LIFR: variants seen among roughly 807,000 people sequenced by gnomAD.
LIFR encodes the protein LIF receptor subunit alpha, also known as leukemia inhibitory factor receptor.
LIFR carries 84 observed loss-of-function variants against 122.2 expected under a neutral mutation model. That is an observed-to-expected ratio of 0.69 (90% CI 0.58 to 0.82). The LOEUF (loss-of-function observed/expected upper bound fraction) is 0.82, where lower values mean the gene tolerates loss of function less well. Ranked by LOEUF, LIFR falls within the 40% of genes least tolerant of loss-of-function variation. The pLI is 0.00. For missense variants in LIFR, 1,294 were observed against 1,311.6 expected (o/e 0.99, Z 0.21); for synonymous variants, 422 against 434.7 (o/e 0.97, Z 0.36).
intron 1 of LIFR, among the ~76,000 whole-genome samples, chr5:38,551,678 A>G (rs1434239253): frequency 6.6e-6 from 1 of 152,180 alleles, no homozygotes; most frequent in Non-Finnish European, 1.5e-5. Flanking sequence ...AATGATTCCA[A>G]TTCTTTCTCT....
At chr5:38,488,487 G>A (rs1405106974) in intron 16 of LIFR, among the ~76,000 whole-genome samples, 1 of 152,204 alleles carries the variant, frequency 6.6e-6, no homozygotes, top group Non-Finnish European at 1.5e-5. Context: ...GAAACATAAT[G>A]AAAGGAAAAG....
Position 38,476,254 on chromosome 5 carries a change from TAC to T in LIFR, c.*5339_*5340del, listed in dbSNP as rs1743716424. ...CTATGAGCAATTGCAAAAACACTAATACTAATGTTAAACCTAACAGTTAACTT... is the reference window on the plus strand; with the variant it reads ...CTATGAGCAATTGCAAAAACACTAATTAATGTTAAACCTAACAGTTAACTT... On this transcript the variant is annotated 3_prime_UTR_variant, in exon 20 of 20. Transcript: ENST00000453190. The T allele has an allele frequency of 4.8e-6, 1 of 208,120 alleles. No homozygotes were observed. Among genetic ancestry groups the T allele is most frequent in the Non-Finnish European group, 9.8e-6 (1 of 102,244 alleles). 12.9% of individuals were successfully genotyped at this position (208,120 alleles called of 1,614,324 possible). A position where few individuals can be genotyped will look rare whatever the true frequency, so the allele number is the denominator to read the frequency against.
chr5:38,514,623 T>C (rs371730320), intron 5 of LIFR, among the ~76,000 whole-genome samples: 1 of 152,240 alleles, frequency 6.6e-6, no homozygotes, highest in Non-Finnish European at 1.5e-5. Context: ...CTAGCTATTA[T>C]AGATAGCAGA....
intron 1 of LIFR, among the ~76,000 whole-genome samples, chr5:38,562,047 G>A (rs1283282071): frequency 6.6e-6 from 1 of 152,162 alleles, no homozygotes; most frequent in Non-Finnish European, 1.5e-5. Flanking sequence ...GGGATCGTGG[G>A]AGCACCGCAA....
At chr5:38,491,909 T>A (rs2112408074) in intron 14 of LIFR, among the ~76,000 whole-genome samples, 1 of 152,352 alleles carries the variant, frequency 6.6e-6, no homozygotes, top group Non-Finnish European at 1.5e-5. Flanking sequence ...AATCTGTACC[T>A]CTTTTTATGT....
At chr5:38,585,248 T>C (rs1049368031) in intron 1 of LIFR, among the ~76,000 whole-genome samples, 2 of 152,148 alleles carry the variant, frequency 1.3e-5, no homozygotes, top group Admixed American at 6.5e-5. Flanking sequence ...CAAGTACAAA[T>C]TACATCCATT....
rs1443332579 is a variant in LIFR, at chr5:38,480,443, GC to G, written c.*1151del. The G allele has an allele frequency of 9.1e-6, 2 of 219,552 alleles. No homozygotes were observed. Among genetic ancestry groups the G allele is most frequent in the African/African-American group, 4.5e-5 (2 of 44,492 alleles). 13.6% of individuals were successfully genotyped at this position (219,552 alleles called of 1,614,324 possible). ...AGTTTATGACAGTTACTAAGAAACA[GC>G]CCTTGGGTAACTGTTCCTGTAAGAA... is the stretch of plus-strand genomic sequence containing the variant. On this transcript the variant is annotated 3_prime_UTR_variant, in exon 20 of 20. Coordinates refer to ENST00000453190, the MANE Select transcript of LIFR (RefSeq NM_001127671.2).
chr5:38,558,794 T>C (rs1452702299), upstream of LIFR: 2 of 152,156 alleles, frequency 1.3e-5, no homozygotes, highest in Non-Finnish European at 2.9e-5. Flanking sequence ...GAGAATTCAG[T>C]TACTATCACG....
At chr5:38,553,096 C>T (rs1476887081) in intron 1 of LIFR, among the ~76,000 whole-genome samples, 1 of 152,182 alleles carries the variant, frequency 6.6e-6, no homozygotes, top group African/African-American at 2.4e-5. Context: ...CTCTCCTTTC[C>T]TTTCACCAAC....
Position 38,510,632 on chromosome 5 carries a change from C to G in LIFR, c.823G>C (p.Glu275Gln). 6.2e-7 allele frequency: 1 copy of G among 1,613,964 alleles called. No homozygotes were observed. The highest frequency in any genetic ancestry group is 8.5e-7 in the Non-Finnish European group (1 of 1,179,918). Residue 275 changes from glutamate (E) to glutamine (Q), a missense_variant, in exon 7 of 20, where the codon GAA becomes CAA. Glu to Gln is a conservative substitution (Grantham distance 29). Transcript: ENST00000453190. ...SDITFCCVSQ[E>Q]KVLSALIGHT... ...CCAATCAGTGCTGATAACACTTTTTCTTGACTCACACAACAAAATGTTATG... is the reference window on the plus strand; with the variant it reads ...CCAATCAGTGCTGATAACACTTTTTGTTGACTCACACAACAAAATGTTATG...
chr5:38,539,676 TG>T (rs60779829), intron 1 of LIFR, among the ~76,000 whole-genome samples: 1 of 151,482 alleles, frequency 6.6e-6, no homozygotes, highest in Non-Finnish European at 1.5e-5. Context: ...TTTGGTTTTT[TG>T]GGGGGGGTAA....
intron 1 of LIFR, among the ~76,000 whole-genome samples, chr5:38,571,196 G>A (rs1263420590): frequency 1.3e-5 from 2 of 152,120 alleles, no homozygotes; most frequent in Non-Finnish European, 2.9e-5. Flanking sequence ...CAGAGCCAAG[G>A]TGCTGCTATA....
chr5:38,547,015 T>C (rs1324444409), intron 1 of LIFR, among the ~76,000 whole-genome samples: 1 of 152,150 alleles, frequency 6.6e-6, no homozygotes, highest in Admixed American at 6.5e-5. Flanking sequence ...CATTACATAC[T>C]CAGTGCAGCT....
chr5:38,596,489 G>T (rs773186834), upstream of LIFR, among the ~76,000 whole-genome samples: 1 of 152,150 alleles, frequency 6.6e-6, no homozygotes, highest in Non-Finnish European at 1.5e-5. Flanking sequence ...CACTATCTGG[G>T]ATGGGGCTTG....
chr5:38,577,101 C>T (rs1749411842), intron 1 of LIFR, among the ~76,000 whole-genome samples: 1 of 152,134 alleles, frequency 6.6e-6, no homozygotes, highest in South Asian at 2.1e-4. Flanking sequence ...TCAAAGACAC[C>T]AGTTAAAAAG....
chr5:38,526,447 A>G (rs771139853), intron 4 of LIFR, among the ~76,000 whole-genome samples: 7,945 of 151,750 alleles, frequency 0.052, 243 homozygotes, highest in Middle Eastern at 0.099. Context: ...GTGTGTATAT[A>G]TATATATATA....
chr5:38,582,195 G>A (rs749385884), intron 1 of LIFR, among the ~76,000 whole-genome samples: 13 of 152,014 alleles, frequency 8.6e-5, no homozygotes, highest in Non-Finnish European at 1.6e-4. Flanking sequence ...CAAGTAGCAC[G>A]TGACACCATG....
chr5:38,568,112 A>G (rs1405036235), intron 1 of LIFR, among the ~76,000 whole-genome samples: 2 of 152,236 alleles, frequency 1.3e-5, no homozygotes, highest in African/African-American at 4.8e-5. Flanking sequence ...ATAACAGTGA[A>G]GATGATAAAG....
At chr5:38,512,397 T>A (rs1165958256) in intron 5 of LIFR, among the ~76,000 whole-genome samples, 1 of 151,366 alleles carries the variant, frequency 6.6e-6, no homozygotes, top group Non-Finnish European at 1.5e-5. Flanking sequence ...GACAGGCAGA[T>A]CCCTTGAGCC....
Sources: allele counts gnomAD v4.1 joint callset (sites outside exome capture counted in the v4.1 genomes callset), GRCh38; gene constraint gnomAD v4.1.1; transcripts MANE v1.5; gene names NCBI Gene and HGNC (gene_info 2026-07-23, HGNC 2026-07-21).